Variants in INPP4B observed in about 807,000 individuals in gnomAD.
The protein encoded by INPP4B is inositol polyphosphate-4-phosphatase type II B.
INPP4B carries 55 observed loss-of-function variants against 122.5 expected under a neutral mutation model. The observed-to-expected ratio is 0.45, with a 90% CI of 0.36 to 0.56. The LOEUF (loss-of-function observed/expected upper bound fraction) is 0.56. INPP4B is among the 20% of genes least tolerant of loss of function. The pLI is 0.00. For missense variants in INPP4B, 1,000 were observed against 1,097.7 expected (o/e 0.91, Z 1.26); for synonymous variants, 403 against 388.7 (o/e 1.04, Z -0.43).
At chr4:142,129,403 C>T (rs550017027) in intron 18 of INPP4B, among the ~76,000 whole-genome samples, 1 of 152,324 alleles carries the variant, frequency 6.6e-6, no homozygotes, top group African/African-American at 2.4e-5. Context: ...AAGTTCTTGT[C>T]TTTCAGGCAC....
At chr4:142,379,716 TAGTCAGA>T (rs898347150) in intron 7 of INPP4B, among the ~76,000 whole-genome samples, 2 of 152,230 alleles carry the variant, frequency 1.3e-5, no homozygotes, top group African/African-American at 4.8e-5. Flanking sequence ...TGCTCTTTTC[TAGTCAGA>T]AGAAATATTT....
chr4:142,826,478 T>A (rs76285429), intron 1 of INPP4B, among the ~76,000 whole-genome samples: 208 of 149,326 alleles, frequency 1.4e-3, no homozygotes, highest in African/African-American at 5.1e-3. Flanking sequence ...CTCTTAATGC[T>A]AAATTGTGTT....
rs544536188 is a variant in INPP4B at position 142,702,383 on chromosome 4, T to G, written c.-191+23456A>C. Among the ~76,000 whole-genome samples, 51 of 152,232 alleles carry G rather than the reference T, an allele frequency of 3.4e-4. 1 individual carries two copies. The South Asian group carries it at 0.01, about 30-fold the overall frequency. On this transcript the variant is annotated intron_variant, in intron 2 of 25. Transcript: ENST00000262992. ...TATTCCAGAAAGCCTAATTACTTATTGCAAAAACATAAAAATAGAAATCTC... is the reference window on the plus strand; with the variant it reads ...TATTCCAGAAAGCCTAATTACTTATGGCAAAAACATAAAAATAGAAATCTC...
At chr4:142,844,597 A>G (rs1396268246) in intron 1 of INPP4B, among the ~76,000 whole-genome samples, 1 of 152,244 alleles carries the variant, frequency 6.6e-6, no homozygotes. Flanking sequence ...AGGAACACAT[A>G]ATGCATGTAT....
chr4:142,277,412 GA>G lies in INPP4B; in HGVS notation c.504-6639del, dbSNP rs1749050869. 4.6e-5 allele frequency among the ~76,000 whole-genome samples: 7 copies of G among 151,922 alleles called. No individual in the cohort carries two copies. In the South Asian group the frequency reaches 1.5e-3, roughly 32 times the overall value. ...TAATAGGTGTTGACGTGGTTGTGGT[GA>G]AAAGGGAACACTTTCACACTGTTGG... On this transcript the variant is annotated intron_variant, in intron 9 of 25. Coordinates refer to ENST00000262992, the MANE Select transcript of INPP4B (RefSeq NM_001101669.3).
At chr4:142,532,758 A>C (rs1291094235) in intron 2 of INPP4B, among the ~76,000 whole-genome samples, 2 of 152,224 alleles carry the variant, frequency 1.3e-5, no homozygotes, top group Non-Finnish European at 2.9e-5. Context: ...TAAAGTAAAA[A>C]CTATGCTCAA....
intron 15 of INPP4B, 66 bp from the exon 16 acceptor site, chr4:142,173,875 G>A: frequency 1.6e-6 from 2 of 1,221,854 alleles, no homozygotes; most frequent in Non-Finnish European, 2.4e-6. Context: ...CTTAATATCA[G>A]ATGGCAAATG....
At chr4:142,817,470 A>G (rs1334903291) in intron 1 of INPP4B, among the ~76,000 whole-genome samples, 1 of 152,166 alleles carries the variant, frequency 6.6e-6, no homozygotes, top group African/African-American at 2.4e-5. Context: ...TTAATCTTTG[A>G]ACGTACGGCT....
At chr4:142,624,239 G>C (rs1458592430) in intron 2 of INPP4B, among the ~76,000 whole-genome samples, 1 of 151,888 alleles carries the variant, frequency 6.6e-6, no homozygotes, top group Admixed American at 6.6e-5. Flanking sequence ...GTTGTTTCCT[G>C]ACTTTTTAAT....
chr4:142,608,591 C>T (rs978344335), intron 2 of INPP4B, among the ~76,000 whole-genome samples: 23 of 152,052 alleles, frequency 1.5e-4, no homozygotes, highest in African/African-American at 5.6e-4. Flanking sequence ...ATAGTAGGTG[C>T]TCATTAAATA....
At chr4:142,636,844 T>C (rs144292971) in intron 2 of INPP4B, among the ~76,000 whole-genome samples, 119 of 152,240 alleles carry the variant, frequency 7.8e-4, no homozygotes, top group African/African-American at 2.7e-3. Flanking sequence ...TGGTATTATC[T>C]TTAAATTTTT....
intron 2 of INPP4B, among the ~76,000 whole-genome samples, chr4:142,668,754 AT>A (rs1276048166): frequency 3.3e-5 from 5 of 152,208 alleles, no homozygotes; most frequent in Non-Finnish European, 5.9e-5. Context: ...CTACTAAAAA[AT>A]AAAATGATCA....
intron 9 of INPP4B, among the ~76,000 whole-genome samples, chr4:142,299,063 T>G (rs915760343): frequency 6.6e-6 from 1 of 152,162 alleles, no homozygotes; most frequent in African/African-American, 2.4e-5. Flanking sequence ...ACAGTGAGTC[T>G]TGCTCATATG....
chr4:142,752,301 A>C (rs1256094651), intron 1 of INPP4B, among the ~76,000 whole-genome samples: 1 of 152,110 alleles, frequency 6.6e-6, no homozygotes, highest in African/African-American at 2.4e-5. Context: ...CCTAGGAAAT[A>C]AAATTCTGAT....
At chr4:142,371,873 G>A (rs927317811) in intron 7 of INPP4B, among the ~76,000 whole-genome samples, 1 of 150,124 alleles carries the variant, frequency 6.7e-6, no homozygotes. Context: ...CGGCATGGAA[G>A]TCTCTCAAAA....
chr4:142,646,233 T>A (rs777179704), intron 2 of INPP4B, among the ~76,000 whole-genome samples: 20 of 152,126 alleles, frequency 1.3e-4, no homozygotes, highest in Non-Finnish European at 1.9e-4. Flanking sequence ...TTTAAAAAAA[T>A]TTTAAACATC....
intron 2 of INPP4B, among the ~76,000 whole-genome samples, chr4:142,611,518 T>A (rs943266572): frequency 6.6e-6 from 1 of 152,068 alleles, no homozygotes; most frequent in Non-Finnish European, 1.5e-5. Context: ...GGCCTAACAT[T>A]AAAATACATA....
intron 2 of INPP4B, among the ~76,000 whole-genome samples, chr4:142,524,183 T>C (rs1047213418): frequency 3.9e-4 from 59 of 152,088 alleles, no homozygotes; most frequent in African/African-American, 1.4e-3. Context: ...AGTAATGGGA[T>C]GGCTGGGTCA....
intron 2 of INPP4B, among the ~76,000 whole-genome samples, chr4:142,602,965 C>T (rs1740380611): frequency 6.6e-6 from 1 of 152,002 alleles, no homozygotes. Flanking sequence ...GACCTAAAAG[C>T]CCATCAATGA....
Sources: allele counts gnomAD v4.1 joint callset (sites outside exome capture counted in the v4.1 genomes callset), GRCh38; gene constraint gnomAD v4.1.1; transcripts MANE v1.5; gene names NCBI Gene and HGNC (gene_info 2026-07-23, HGNC 2026-07-21).